The following IL31RA variants were observed in gnomAD, a reference collection of about 807,000 sequenced individuals.
The protein encoded by IL31RA is interleukin 31 receptor A, also known as interleukin-31 receptor subunit alpha.
Under a neutral mutation model 83.7 loss-of-function variants are expected in IL31RA, and 66 were observed. That is an observed-to-expected ratio of 0.79 (90% confidence interval 0.65 to 0.97). The LOEUF is 0.97. IL31RA is among the 50% of genes least tolerant of loss of function. The probability of loss-of-function intolerance (pLI) is 0.00; values close to 1 mark genes in which losing one functional copy is unlikely to be tolerated. For synonymous variants in IL31RA, 325 were observed against 329.0 expected, an observed-to-expected ratio of 0.99 and a Z score of 0.13; for missense variants, 798 against 919.4, an observed-to-expected ratio of 0.87 and a Z score of 1.71.
intron 8 of IL31RA, among the ~76,000 whole-genome samples, chr5:55,900,671 C>A (rs933085942): frequency 1.3e-5 from 2 of 152,186 alleles, no homozygotes; most frequent in Non-Finnish European, 2.9e-5. Flanking sequence ...TGACATATTA[C>A]TGCTCCCAGG....
In IL31RA at chr5:55,860,757, T is replaced by C. The variant is rs149503840; in HGVS notation, c.154+1158T>C. Among the ~76,000 whole-genome samples, 148 of 152,338 alleles carry C rather than the reference T, an allele frequency of 9.7e-4. 1 individual carries two copies. In the East Asian group the frequency reaches 0.026, roughly 26 times the overall value. Reference sequence around the variant, plus strand: ...AATATTAAGAGCAGAGACACTGGTCTGGTAGTGGGAAGGTGGGGAAGGCGT... The same window carrying C: ...AATATTAAGAGCAGAGACACTGGTCCGGTAGTGGGAAGGTGGGGAAGGCGT... On this transcript the variant is annotated intron_variant, in intron 2 of 14. Coordinates refer to ENST00000652347, the MANE Select transcript of IL31RA (RefSeq NM_139017.7).
At chr5:55,889,801 A>G (rs566556842) in intron 5 of IL31RA, among the ~76,000 whole-genome samples, 169 bp from the exon 6 acceptor site, 83 of 152,340 alleles carry the variant, frequency 5.4e-4, no homozygotes, top group Non-Finnish European at 9.3e-4. Context: ...GTAGGTACCA[A>G]TTGTTCCCAG....
intron 4 of IL31RA, among the ~76,000 whole-genome samples, chr5:55,879,425 C>CTTTTTCTTTTT (rs1747056232): frequency 2.2e-5 from 1 of 45,800 alleles, no homozygotes; most frequent in African/African-American, 9.7e-5. Context: ...AGTTTCTGTC[C>CTTTTTCTTTTT]TTTTTTTTTT....
Position 55,851,480 on chromosome 5 carries a change from G to A in IL31RA, c.-91G>A. On this transcript the variant is annotated 5_prime_UTR_variant, in exon 1 of 15. The change abolishes an upstream ATG in the 5' untranslated region. Coordinates refer to ENST00000652347, the MANE Select transcript of IL31RA (RefSeq NM_139017.7). Reference sequence around the variant, plus strand: ...AAAAAAAAATAGTAATAACCAGCATGGCACTAAATAGACCATGAAAAGACA... The same window carrying A: ...AAAAAAAAATAGTAATAACCAGCATAGCACTAAATAGACCATGAAAAGACA... 3.5e-5 allele frequency: 56 copies of A among 1,612,172 alleles called. No individual in the cohort carries two copies. The highest frequency in any genetic ancestry group is 4.6e-5 in the Non-Finnish European group (54 of 1,178,752).
intron 6 of IL31RA, among the ~76,000 whole-genome samples, chr5:55,894,609 A>G (rs527384469): frequency 3.3e-5 from 5 of 152,246 alleles, no homozygotes; most frequent in Non-Finnish European, 7.3e-5. Flanking sequence ...GAGTAGTTGT[A>G]GAAGTGTGAC....
rs1005260074 is a variant in IL31RA, at chr5:55,903,982, T to C, written c.1070-2124T>C. Among the ~76,000 whole-genome samples, 2 of 152,222 alleles carry C rather than the reference T, an allele frequency of 1.3e-5. No individual in the cohort carries two copies. The highest frequency in any genetic ancestry group is 4.1e-4 in the South Asian group (2 of 4,836). On this transcript the variant is annotated intron_variant, in intron 8 of 14. Coordinates refer to ENST00000652347, the MANE Select transcript of IL31RA (RefSeq NM_139017.7). The surrounding 1 kb of genome is among the most constrained non-coding windows in gnomAD (Gnocchi z 4.7). ...TTCCAGCTTGTAGTGGCCCCAGGTA[T>C]TCCTTGGCTTGTGGTAGCTCCAGTA...
chr5:55,853,394 A>T (rs1580640655), intron 1 of IL31RA: 2 of 1,394,606 alleles, frequency 1.4e-6, no homozygotes, highest in Middle Eastern at 1.9e-4. Context: ...GCTTAAAAGC[A>T]CAAGAAAAGC....
intron 8 of IL31RA, among the ~76,000 whole-genome samples, chr5:55,904,472 G>A (rs1429660086): frequency 6.6e-6 from 1 of 152,188 alleles, no homozygotes; most frequent in Admixed American, 6.5e-5. Flanking sequence ...AAGGCTGGAA[G>A]GAGAAACTCA....
intron 14 of IL31RA, 141 bp downstream of exon 14, chr5:55,915,069 C>A: frequency 1.4e-6 from 1 of 719,464 alleles, no homozygotes; most frequent in Non-Finnish European, 2.5e-6. Flanking sequence ...CAGGGAATGG[C>A]AGGCAGGGCA....
intron 2 of IL31RA, among the ~76,000 whole-genome samples, chr5:55,860,366 CA>C (rs869250874): frequency 1.2e-4 from 1 of 8,336 alleles, no homozygotes; most frequent in Non-Finnish European, 2.8e-4. Context: ...GACCTTGTCT[CA>C]AAAAAAAAAA....
chr5:55,880,871 C>T (rs999834209), intron 4 of IL31RA, among the ~76,000 whole-genome samples: 3 of 152,198 alleles, frequency 2.0e-5, no homozygotes, highest in Non-Finnish European at 4.4e-5. Context: ...TGGAAGTTAT[C>T]TGAGTTACCA....
chr5:55,892,018 G>T (rs1229651826), intron 6 of IL31RA, among the ~76,000 whole-genome samples: 2 of 151,800 alleles, frequency 1.3e-5, no homozygotes, highest in East Asian at 3.9e-4. Context: ...CTCATGATCT[G>T]CCCGCCTCAG....
At chr5:55,854,264 C>T (rs999189711) in intron 1 of IL31RA, among the ~76,000 whole-genome samples, 2 of 152,140 alleles carry the variant, frequency 1.3e-5, no homozygotes, top group African/African-American at 4.8e-5. Flanking sequence ...GACTTTGAAA[C>T]TGGAGGTAGT....
In IL31RA at chr5:55,910,555, T is replaced by C; in HGVS notation, c.1525T>C (p.Leu509=). 6.2e-7 allele frequency: 1 copy of C among 1,614,222 alleles called. No homozygotes were observed. Among genetic ancestry groups the C allele is most frequent in the Non-Finnish European group, 8.5e-7 (1 of 1,180,040 alleles). Residue 509 remains leucine (L), a synonymous_variant, in exon 12 of 15, where the codon TTG becomes CTG. Transcript: ENST00000652347. The part of the protein sequence containing the change: ...GFSKTVNSSI[L]QYGLESLKRK... ...AGCCAAGACAGTCAATTCCAGCATC[T>C]TGCAGTACGGCCTGGAGTCCCTGAA...
At chr5:55,887,295 C>T (rs758379747) in intron 5 of IL31RA, among the ~76,000 whole-genome samples, 3 of 152,196 alleles carry the variant, frequency 2.0e-5, no homozygotes, top group Non-Finnish European at 4.4e-5. Flanking sequence ...CAAACCTAAG[C>T]TCAGGTTTTC....
intron 4 of IL31RA, among the ~76,000 whole-genome samples, chr5:55,876,885 G>C (rs902186670): frequency 1.3e-5 from 2 of 151,994 alleles, no homozygotes; most frequent in African/African-American, 4.8e-5. Flanking sequence ...ATAAGCCCTT[G>C]TGCCCAGCCA....
In IL31RA at chr5:55,922,061, G is replaced by T. The variant is rs111278807; in HGVS notation, c.*4941G>T. Reference sequence around the variant, plus strand: ...TGCACTCTTATGTTGTGGCGGGGGGGGGGGGCGGTTCCTGAAGAGTGGAGT... The same window carrying T: ...TGCACTCTTATGTTGTGGCGGGGGGTGGGGGCGGTTCCTGAAGAGTGGAGT... On this transcript the variant is annotated 3_prime_UTR_variant, in exon 15 of 15. Coordinates refer to ENST00000652347, the MANE Select transcript of IL31RA (RefSeq NM_139017.7). 7.5e-6 allele frequency among the ~76,000 whole-genome samples: 1 copy of T among 133,710 alleles called. No individual in the cohort carries two copies. The highest frequency in any genetic ancestry group is 7.0e-5 in the Admixed American group (1 of 14,250). The allele number at this position is 133,710 out of a possible 152,430, so 87.7% of individuals were successfully genotyped here.
At chr5:55,859,676 C>T (rs1407667649) in intron 2 of IL31RA, 77 bp downstream of exon 2, 13 of 1,005,714 alleles carry the variant, frequency 1.3e-5, no homozygotes, top group African/African-American at 3.2e-5. Flanking sequence ...AACTTTAAAG[C>T]GACACCTGGA....
At chr5:55,900,236 A>G in intron 8 of IL31RA, 104 bp downstream of exon 8, 1 of 838,744 alleles carries the variant, frequency 1.2e-6, no homozygotes. Flanking sequence ...AGTCAAAATG[A>G]AAATGGAGTG....
Sources: allele counts gnomAD v4.1 joint callset (sites outside exome capture counted in the v4.1 genomes callset), GRCh38; gene constraint gnomAD v4.1.1; non-coding constraint Gnocchi (gnomAD v3.1); transcripts MANE v1.5; gene names NCBI Gene and HGNC (gene_info 2026-07-23, HGNC 2026-07-21).